Variants in SMYD3 observed in about 807,000 individuals in gnomAD.
SMYD3 encodes histone-lysine N-methyltransferase SMYD3.
A neutral mutation model predicts 57.7 loss-of-function variants in SMYD3; 36 were observed. The observed-to-expected ratio is 0.62, with a 90% CI of 0.48 to 0.82. The LOEUF is 0.82. SMYD3 is among the 40% of genes least tolerant of loss of function. The probability of loss-of-function intolerance (pLI) is 0.00; values close to 1 mark genes in which losing one functional copy is unlikely to be tolerated. For missense variants in SMYD3, 515 were observed against 538.8 expected, an observed-to-expected ratio of 0.96 and a Z score of 0.44; for synonymous variants, 211 against 195.0, an observed-to-expected ratio of 1.08 and a Z score of -0.68.
chr1:246,268,604 T>G (rs949019424), intron 5 of SMYD3, among the ~76,000 whole-genome samples: 1 of 151,880 alleles, frequency 6.6e-6, no homozygotes, highest in Non-Finnish European at 1.5e-5. Flanking sequence ...CCCGGGAGGC[T>G]GAGGCAGGGG....
intron 5 of SMYD3, among the ~76,000 whole-genome samples, chr1:246,090,592 G>C (rs4654194): frequency 0.44 from 65,839 of 149,420 alleles, 17,837 homozygotes; most frequent in Non-Finnish European, 0.61. Flanking sequence ...ATCTCTGTCT[G>C]CTGCAACCCC....
intron 10 of SMYD3, among the ~76,000 whole-genome samples, chr1:245,788,439 C>G (rs2047137921): frequency 6.6e-6 from 1 of 152,208 alleles, no homozygotes; most frequent in African/African-American, 2.4e-5. Flanking sequence ...GATGTTATTC[C>G]TGGCTCATGC....
At chr1:245,951,581 A>AAC (rs1236431675) in intron 5 of SMYD3, among the ~76,000 whole-genome samples, 4 of 149,820 alleles carry the variant, frequency 2.7e-5, no homozygotes, top group African/African-American at 7.4e-5. Flanking sequence ...AAAAAAAAAA[A>AAC]AACAATTGCC....
At chr1:245,799,213 G>T (rs947182443) in intron 10 of SMYD3, among the ~76,000 whole-genome samples, 2 of 152,214 alleles carry the variant, frequency 1.3e-5, no homozygotes, top group African/African-American at 4.8e-5. Context: ...CTCCTACACA[G>T]CTGTGCAAGG....
rs151291926 is a variant in SMYD3 at position 245,860,096 on chromosome 1, G to T, written c.902-1426C>A. Among the ~76,000 whole-genome samples the T allele has an allele frequency of 3.4e-3, 513 of 152,248 alleles. 6 individuals are homozygous for T. Among genetic ancestry groups the T allele is most frequent in the Admixed American group, 0.027 (416 of 15,298 alleles). ...CTTCCCTCTGTGACATGACCTCTGA[G>T]CCTGACTGGGCTTAAAGAAAGTGGT... On this transcript the variant is annotated intron_variant, in intron 9 of 11. Coordinates refer to ENST00000490107, the MANE Select transcript of SMYD3 (RefSeq NM_001167740.2).
chr1:246,088,586 G>A (rs1482207226), intron 5 of SMYD3, among the ~76,000 whole-genome samples: 12 of 99,238 alleles, frequency 1.2e-4, no homozygotes, highest in Non-Finnish European at 2.2e-4. Context: ...CTCCAGCCTG[G>A]GCGACAGGGC....
chr1:246,033,243 C>T (rs1195488735), intron 5 of SMYD3, among the ~76,000 whole-genome samples: 2 of 151,798 alleles, frequency 1.3e-5, no homozygotes, highest in Admixed American at 6.6e-5. Context: ...ATAAGGGCAA[C>T]AACCTGGATA....
At chr1:245,853,494 A>G (rs1421081071) in intron 10 of SMYD3, among the ~76,000 whole-genome samples, 1 of 152,208 alleles carries the variant, frequency 6.6e-6, no homozygotes, top group Non-Finnish European at 1.5e-5. Flanking sequence ...GGCAGGCCCA[A>G]AGCAAGCGCT....
At chr1:245,820,895 A>T (rs1304017596) in intron 10 of SMYD3, among the ~76,000 whole-genome samples, 1 of 151,520 alleles carries the variant, frequency 6.6e-6, no homozygotes, top group African/African-American at 2.4e-5. Flanking sequence ...GAAATAAAAG[A>T]GGATACAAAC....
intron 11 of SMYD3, among the ~76,000 whole-genome samples, chr1:245,758,747 T>G (rs1226172898): frequency 6.6e-6 from 1 of 152,222 alleles, no homozygotes; most frequent in Non-Finnish European, 1.5e-5. Context: ...GATGAAGCAT[T>G]TTTATCATGG....
intron 5 of SMYD3, among the ~76,000 whole-genome samples, chr1:246,307,448 C>G (rs2065001126): frequency 8.3e-6 from 1 of 120,664 alleles, no homozygotes; most frequent in South Asian, 2.8e-4. Flanking sequence ...GAGACGGAGT[C>G]TCGCTCTGTC....
intron 5 of SMYD3, among the ~76,000 whole-genome samples, chr1:246,252,135 CTG>C (rs1322242598): frequency 1.7e-4 from 3 of 17,648 alleles, no homozygotes; most frequent in Non-Finnish European, 3.1e-4. Flanking sequence ...GCCTCGGACA[CTG>C]TGCCCGGCTT....
intron 1 of SMYD3, among the ~76,000 whole-genome samples, chr1:246,402,001 C>T (rs1287196388): frequency 2.0e-5 from 3 of 152,336 alleles, no homozygotes; most frequent in South Asian, 2.1e-4. Flanking sequence ...GGATTACAGG[C>T]GTGGGCCGCC....
At chr1:245,945,609 T>C (rs2057404531) in intron 5 of SMYD3, among the ~76,000 whole-genome samples, 2 of 152,220 alleles carry the variant, frequency 1.3e-5, no homozygotes, top group Non-Finnish European at 2.9e-5. Context: ...AGCAATCTCA[T>C]TACTGGTTAT....
intron 5 of SMYD3, among the ~76,000 whole-genome samples, chr1:246,177,503 G>C (rs2062454157): frequency 6.6e-6 from 1 of 152,052 alleles, no homozygotes; most frequent in Non-Finnish European, 1.5e-5. Context: ...AAAATCAAGA[G>C]ACCACACCGA....
intron 5 of SMYD3, among the ~76,000 whole-genome samples, chr1:245,952,451 T>G (rs1301567557): frequency 6.6e-6 from 1 of 152,054 alleles, no homozygotes; most frequent in African/African-American, 2.4e-5. Flanking sequence ...GGAAAAAAAA[T>G]GACGTTTTTA....
At chr1:246,399,986 C>T (rs1212297724) in intron 1 of SMYD3, among the ~76,000 whole-genome samples, 2 of 152,132 alleles carry the variant, frequency 1.3e-5, no homozygotes, top group South Asian at 2.1e-4. Flanking sequence ...AACAAGACCA[C>T]TAAGATTACA....
chr1:246,029,120 A>G (rs1021842612), intron 5 of SMYD3, among the ~76,000 whole-genome samples: 1 of 152,222 alleles, frequency 6.6e-6, no homozygotes, highest in African/African-American at 2.4e-5. Flanking sequence ...CTATAAAACT[A>G]CTAGAAGAAA....
intron 5 of SMYD3, among the ~76,000 whole-genome samples, chr1:246,201,224 T>C (rs1397749260): frequency 6.6e-6 from 1 of 152,208 alleles, no homozygotes; most frequent in East Asian, 1.9e-4. Flanking sequence ...TCCTTATATA[T>C]GGTAGCAGTA....
Sources: allele counts gnomAD v4.1 joint callset (sites outside exome capture counted in the v4.1 genomes callset), GRCh38; gene constraint gnomAD v4.1.1; transcripts MANE v1.5; gene names NCBI Gene and HGNC (gene_info 2026-07-23, HGNC 2026-07-21).